Variants in GPS2 observed in about 807,000 individuals in gnomAD.
The protein encoded by GPS2 is G protein pathway suppressor 2, also known as GPS-2.
GPS2 carries 22 observed loss-of-function variants against 48.1 expected under a neutral mutation model. The ratio of observed to expected loss-of-function variants is 0.46; its 90% CI spans 0.33 to 0.65. The LOEUF is 0.65. Among genes scored for constraint, GPS2 ranks in the 30% least tolerant of loss-of-function variants. GPS2 has a pLI of 0.03. For synonymous variants in GPS2, 202 were observed against 142.5 expected, an observed-to-expected ratio of 1.42 and a Z score of -2.98; for missense variants, 366 against 406.8, an observed-to-expected ratio of 0.90 and a Z score of 0.86.
chr17:7,312,687 G>T lies in GPS2; in HGVS notation c.*69C>A. 1 of 1,231,972 alleles carries T rather than the reference G, an allele frequency of 8.1e-7. No homozygotes were observed. Among genetic ancestry groups the T allele is most frequent in the Non-Finnish European group, 1.2e-6 (1 of 832,808 alleles). The allele number at this position is 1,231,972 out of a possible 1,614,324, so 76.3% of individuals were successfully genotyped here. ...AGTGGCAGGTAGATTTTATTGGCCTGGGACACACAGGGGATACCCTCACCC... is the reference window on the plus strand; with the variant it reads ...AGTGGCAGGTAGATTTTATTGGCCTTGGACACACAGGGGATACCCTCACCC... On this transcript the variant is annotated 3_prime_UTR_variant, in exon 11 of 11. Transcript: ENST00000380728.
intron 2 of GPS2, 91 bp downstream of exon 2, chr17:7,314,868 G>A: frequency 1.0e-5 from 15 of 1,442,978 alleles, no homozygotes; most frequent in Middle Eastern, 2.3e-4. Flanking sequence ...GCTCGGCAGC[G>A]GGCGCGCTGG....
At position 7,313,575 on chromosome 17, in the gene GPS2, C is replaced by A; in HGVS notation, c.627G>T (p.Gln209His). 6.2e-7 allele frequency: 1 copy of A among 1,613,890 alleles called. No individual in the cohort carries two copies. Among genetic ancestry groups the A allele is most frequent in the Non-Finnish European group, 8.5e-7 (1 of 1,179,830 alleles). Reference protein sequence around the residue: ...PTQPAYSPSQQLRAPSAFPAV... With the variant: ...PTQPAYSPSQHLRAPSAFPAV... The stretch of plus-strand genomic sequence containing the variant: ...ATCCCTCCTATTACTCACCTCTGAG[C>A]TGCTGACTAGGACTATAAGCTGGCT... Residue 209 changes from glutamine (Q) to histidine (H), a missense_variant, in exon 7 of 11, where the codon CAG (glutamine) becomes CAT (histidine). Gln to His is a conservative substitution (Grantham distance 24). This residue lies in a region of GPS2 where 275 missense variants were observed against 282.3 expected (regional missense o/e 0.97). Coordinates refer to ENST00000380728, the MANE Select transcript of GPS2 (RefSeq NM_004489.5).
chr17:7,312,863 G>A (rs777089307), intron 10 of GPS2, 24 bp from the exon 11 acceptor site: 14 of 1,602,938 alleles, frequency 8.7e-6, no homozygotes, highest in Non-Finnish European at 4.3e-6. Flanking sequence ...TGAAAAGAGG[G>A]CTTTGTCACT....
Position 7,313,903 on chromosome 17 carries a change from C to T in GPS2, c.480+3G>A, listed in dbSNP as rs376877305. On this transcript the variant is annotated splice_donor_region_variant and intron_variant, in intron 6 of 10. Transcript: ENST00000380728. The stretch of plus-strand genomic sequence containing the variant: ...GGGGCTAGGCATCCAATCCTACTCT[C>T]ACCGTAAGCACTTGGGGTCCAAACA... 1 of 1,613,536 alleles carries T rather than the reference C, an allele frequency of 6.2e-7. No individual in the cohort carries two copies.
chr17:7,312,928 A>G (rs1208588888), intron 10 of GPS2, 89 bp from the exon 11 acceptor site: 2 of 1,478,996 alleles, frequency 1.4e-6, no homozygotes, highest in Non-Finnish European at 1.9e-6. Context: ...CCAAAGAGGA[A>G]GGAAAAACCA....
In GPS2 at chr17:7,312,842, G is replaced by C; in HGVS notation, c.901-3C>G. The C allele has an allele frequency of 6.2e-7, 1 of 1,612,348 alleles. No individual in the cohort carries two copies. The highest frequency in any genetic ancestry group is 8.5e-7 in the Non-Finnish European group (1 of 1,178,456). On this transcript the variant is annotated splice_polypyrimidine_tract_variant and splice_region_variant and intron_variant, in intron 10 of 10. Coordinates refer to ENST00000380728, the MANE Select transcript of GPS2 (RefSeq NM_004489.5). The stretch of plus-strand genomic sequence containing the variant: ...TGGCTGGTAGCTGCAAAGCCCGACT[G>C]GTGGTGGTGATGAAAAGAGGGCTTT...
At position 7,312,789 on chromosome 17, in the gene GPS2, T is replaced by C. The variant is rs1201377640; in HGVS notation, c.951A>G (p.Gln317=). The change falls in exon 11 of 11, where the codon CAA becomes CAG. Residue 317 remains glutamine (Q), a synonymous_variant. Coordinates refer to ENST00000380728, the MANE Select transcript of GPS2 (RefSeq NM_004489.5). ...GGTAGAATCGCGGGTTCTGGCTGTG[T>C]TGGATGAAGGGGAGCCGAGGGCCAG... ...SQPGPRLPFI[Q]HSQNPRFYHK 4 of 1,614,042 alleles carry C rather than the reference T, an allele frequency of 2.5e-6. No homozygotes were observed. Among genetic ancestry groups the C allele is most frequent in the African/African-American group, 1.3e-5 (1 of 75,000 alleles).
chr17:7,314,163 G>A lies in GPS2; in HGVS notation c.318-4C>T. On this transcript the variant is annotated splice_polypyrimidine_tract_variant and splice_region_variant and intron_variant, in intron 4 of 10. Transcript: ENST00000380728. ...TGATGTTAGGGTGGTCAGGTCACTG[G>A]AGTGAAAGGAAGACAGGTCAAAGTC... 6.2e-7 allele frequency: 1 copy of A among 1,611,526 alleles called. No homozygotes were observed. The highest frequency in any genetic ancestry group is 8.5e-7 in the Non-Finnish European group (1 of 1,178,688).
rs116037975 is a variant in GPS2 at position 7,312,881 on chromosome 17, C to T, written c.901-42G>A. On this transcript the variant is annotated intron_variant, in intron 10 of 10. Coordinates refer to ENST00000380728, the MANE Select transcript of GPS2 (RefSeq NM_004489.5). The stretch of plus-strand genomic sequence containing the variant: ...AAAGAGGGCTTTGTCACTGGGCATA[C>T]TCTCCCTTCCACTTAATACCCTACT... 76 of 1,571,078 alleles carry T rather than the reference C, an allele frequency of 4.8e-5. No individual in the cohort carries two copies. The African/African-American group carries it at 8.1e-4, about 17-fold the overall frequency.
chr17:7,314,641 C>G (rs748103740), intron 2 of GPS2, 44 bp from the exon 3 acceptor site: 1 of 1,612,750 alleles, frequency 6.2e-7, no homozygotes, highest in Non-Finnish European at 8.5e-7. Flanking sequence ...GTAGTGAAAA[C>G]AATTCCAACG....
rs202227992 is a variant in GPS2, at chr17:7,312,736, T to C, written c.*20A>G. The C allele has an allele frequency of 4.8e-5, 77 of 1,594,604 alleles. No individual in the cohort carries two copies. Among genetic ancestry groups the C allele is most frequent in the Non-Finnish European group, 6.6e-5 (77 of 1,162,306 alleles). ...CCACGATGGGGTGGGGGGTGTGGTGTTGAAGATATAATCTGATGGTCACTT... is the reference window on the plus strand; with the variant it reads ...CCACGATGGGGTGGGGGGTGTGGTGCTGAAGATATAATCTGATGGTCACTT... On this transcript the variant is annotated 3_prime_UTR_variant, in exon 11 of 11. Coordinates refer to ENST00000380728, the MANE Select transcript of GPS2 (RefSeq NM_004489.5).
Position 7,314,995 on chromosome 17 carries a change from G to A in GPS2, c.58C>T (p.Arg20Trp), listed in dbSNP as rs756013916. 6 of 1,602,598 alleles carry A rather than the reference G, an allele frequency of 3.7e-6. No individual in the cohort carries two copies. The highest frequency in any genetic ancestry group is 1.3e-5 in the African/African-American group (1 of 74,806). Residue 20 changes from arginine to tryptophan, a missense_variant, in exon 2 of 11, where the codon CGG becomes TGG. Physicochemically the swap from Arg to Trp is moderately radical, Grantham distance 101. Transcript: ENST00000380728. ...LSNAMARALH[R>W]HIMMERERKR... is the part of the protein sequence containing the mutation. ...CGCTCCCGCTCCATCATAATGTGCC[G>A]GTGCAGCGCCCTGGCCATGGCGTTG...
intron 2 of GPS2, 136 bp from the exon 3 acceptor site, chr17:7,314,733 C>G (rs2072914964): frequency 7.3e-6 from 11 of 1,513,152 alleles, no homozygotes; most frequent in Non-Finnish European, 9.9e-6. Flanking sequence ...CTCCCCATCG[C>G]GGCAATAGGG....
intron 2 of GPS2, 137 bp from the exon 3 acceptor site, chr17:7,314,734 G>T: frequency 3.3e-6 from 5 of 1,514,416 alleles, no homozygotes; most frequent in Non-Finnish European, 4.5e-6. Flanking sequence ...TCCCCATCGC[G>T]GCAATAGGGA....
chr17:7,313,976 C>T lies in GPS2; in HGVS notation c.410G>A (p.Gly137Glu). The change falls in exon 6 of 11, where the codon GGA (glycine) becomes GAA (glutamate). Residue 137 changes from glycine to glutamate, a missense_variant. By Grantham distance (98) the Gly-to-Glu change is moderately conservative. Around this residue, in one of 3 missense-constraint regions of GPS2, gnomAD observed 275 missense variants for 282.3 expected, o/e 0.97. Coordinates refer to ENST00000380728, the MANE Select transcript of GPS2 (RefSeq NM_004489.5). ...HLLSMQGSPG[G>E]HNRPGTLMAA... is the part of the protein sequence containing the mutation. The stretch of plus-strand genomic sequence containing the variant: ...CATGAGGGTGCCTGGGCGATTGTGT[C>T]CTCCAGGGCTCCCTAGAAAGGGAGA... 1 of 1,613,946 alleles carries T rather than the reference C, an allele frequency of 6.2e-7. No individual in the cohort carries two copies. Among genetic ancestry groups the T allele is most frequent in the Middle Eastern group, 1.6e-4 (1 of 6,062 alleles).
At chr17:7,313,775 G>A in intron 6 of GPS2, 54 bp from the exon 7 acceptor site, 1 of 1,599,422 alleles carries the variant, frequency 6.3e-7, no homozygotes, top group Non-Finnish European at 8.6e-7. Flanking sequence ...CTGAAACCCA[G>A]TGACTTGTGT....
At position 7,312,930 on chromosome 17, in the gene GPS2, G is replaced by A. The variant is rs1452323500; in HGVS notation, c.901-91C>T. ...CTGATAACCACCCCCAAAGAGGAAGGAAAAACCAGATGATGTGGGCCACCT... is the reference window on the plus strand; with the variant it reads ...CTGATAACCACCCCCAAAGAGGAAGAAAAAACCAGATGATGTGGGCCACCT... On this transcript the variant is annotated intron_variant, in intron 10 of 10. Transcript: ENST00000380728. The A allele has an allele frequency of 2.0e-6, 3 of 1,484,550 alleles. No individual in the cohort carries two copies. The South Asian group carries it at 3.4e-5, about 17-fold the overall frequency. 92.0% of individuals were successfully genotyped at this position (1,484,550 alleles called of 1,614,324 possible). A position where few individuals can be genotyped will look rare whatever the true frequency, so the allele number is the denominator to read the frequency against.
chr17:7,315,279 G>A, intron 1 of GPS2, 52 bp downstream of exon 1: 1 of 339,906 alleles, frequency 2.9e-6, no homozygotes, highest in Non-Finnish European at 5.3e-6. Flanking sequence ...GGGGTCCCCG[G>A]CTCGCTGCTG....
chr17:7,314,706 T>C, intron 2 of GPS2, 109 bp from the exon 3 acceptor site: 6 of 1,577,272 alleles, frequency 3.8e-6, no homozygotes, highest in Non-Finnish European at 5.2e-6. Flanking sequence ...GTATGCTCTT[T>C]GCCTCGAGGG....
Sources: allele counts gnomAD v4.1 joint callset, GRCh38; gene constraint gnomAD v4.1.1; regional missense constraint gnomAD v4.1.1; transcripts MANE v1.5; gene names NCBI Gene and HGNC (gene_info 2026-07-23, HGNC 2026-07-21).